ANKRD44: variants seen among roughly 807,000 people sequenced by gnomAD.
ANKRD44 encodes serine/threonine-protein phosphatase 6 regulatory ankyrin repeat subunit B.
Under a neutral mutation model 116.0 loss-of-function variants are expected in ANKRD44, and 35 were observed. The observed-to-expected ratio is 0.30, with a 90% confidence interval of 0.23 to 0.40. The LOEUF (loss-of-function observed/expected upper bound fraction) is 0.40. Among genes scored for constraint, ANKRD44 ranks in the 10% least tolerant of loss-of-function variants. ANKRD44 has a pLI of 1.00. For missense variants in ANKRD44, 1,014 were observed against 1,242.6 expected, an observed-to-expected ratio of 0.82 and a Z score of 2.77; for synonymous variants, 435 against 461.8, an observed-to-expected ratio of 0.94 and a Z score of 0.74.
chr2:196,990,263 T>TA (rs1184171216), intron 27 of ANKRD44: 3 of 987,808 alleles, frequency 3.0e-6, no homozygotes, highest in Non-Finnish European at 3.6e-6. Flanking sequence ...AGGCATTTCC[T>TA]ATCTGCCTCT....
intron 1 of ANKRD44, among the ~76,000 whole-genome samples, chr2:197,260,417 A>C (rs1172565248): frequency 2.0e-5 from 3 of 152,188 alleles, no homozygotes; most frequent in African/African-American, 4.8e-5. Flanking sequence ...ATGAATCATC[A>C]TTTTTTATGG....
intron 16 of ANKRD44, among the ~76,000 whole-genome samples, chr2:197,027,298 G>A (rs1403366590): frequency 6.6e-6 from 1 of 152,148 alleles, no homozygotes; most frequent in African/African-American, 2.4e-5. Context: ...GGAGGTGGAG[G>A]TGGCCGTGAG....
At chr2:197,197,697 C>T (rs1015151581) in intron 1 of ANKRD44, among the ~76,000 whole-genome samples, 39 of 151,190 alleles carry the variant, frequency 2.6e-4, no homozygotes, top group Admixed American at 2.0e-3. Context: ...GTAGTCCCAG[C>T]GACTCGGGAG....
intron 1 of ANKRD44, among the ~76,000 whole-genome samples, chr2:197,265,254 G>T (rs2105750471): frequency 6.7e-6 from 1 of 149,818 alleles, no homozygotes; most frequent in African/African-American, 2.5e-5. Context: ...TTTTGGTGGG[G>T]AGGGGGTGGG....
intron 1 of ANKRD44, among the ~76,000 whole-genome samples, chr2:197,213,726 G>A (rs138844623): frequency 8.5e-5 from 13 of 152,288 alleles, no homozygotes; most frequent in South Asian, 2.1e-4. Flanking sequence ...CAATCTGGCC[G>A]ATTTATATAG....
At chr2:197,126,259 C>T (rs1039043103) in intron 4 of ANKRD44, among the ~76,000 whole-genome samples, 2 of 152,210 alleles carry the variant, frequency 1.3e-5, no homozygotes, top group East Asian at 1.9e-4. Flanking sequence ...AGCCCCGGCA[C>T]ATCTCTAAAA....
intron 1 of ANKRD44, among the ~76,000 whole-genome samples, chr2:197,282,033 C>A (rs924768718): frequency 1.3e-5 from 2 of 152,110 alleles, no homozygotes; most frequent in Non-Finnish European, 2.9e-5. Context: ...GCGGGCAGAT[C>A]ACGAGGTCAG....
intron 21 of ANKRD44, among the ~76,000 whole-genome samples, chr2:196,979,804 T>G (rs964811905): frequency 1.3e-5 from 2 of 151,930 alleles, no homozygotes; most frequent in African/African-American, 4.8e-5. Context: ...TCAGGTGATC[T>G]GCCCACCTAG....
chr2:196,976,661 GT>G (rs2075762570), intron 21 of ANKRD44, among the ~76,000 whole-genome samples: 1 of 152,068 alleles, frequency 6.6e-6, no homozygotes, highest in African/African-American at 2.4e-5. Flanking sequence ...GAGCCCAGGA[GT>G]TAAGATCAGC....
intron 2 of ANKRD44, among the ~76,000 whole-genome samples, chr2:197,161,284 C>CCTACA (rs2079958108): frequency 6.6e-6 from 1 of 152,078 alleles, no homozygotes; most frequent in South Asian, 2.1e-4. Flanking sequence ...GTCAAATAAA[C>CCTACA]CTACACATAC....
intron 6 of ANKRD44, 38 bp downstream of exon 6, chr2:197,125,343 G>C: frequency 6.4e-7 from 1 of 1,567,824 alleles, no homozygotes; most frequent in Non-Finnish European, 8.8e-7. Flanking sequence ...TTTAGTTAAG[G>C]TTATCTGTAC....
chr2:197,105,101 TTTG>T (rs2078393908), intron 9 of ANKRD44, among the ~76,000 whole-genome samples: 2 of 151,698 alleles, frequency 1.3e-5, no homozygotes, highest in South Asian at 4.2e-4. Flanking sequence ...GTGGGGTTCT[TTTG>T]TTGTTGTTAT....
intron 13 of ANKRD44, 49 bp from the exon 14 acceptor site, chr2:197,083,558 C>T (rs779294996): frequency 6.3e-7 from 1 of 1,577,006 alleles, no homozygotes; most frequent in Admixed American, 1.8e-5. Flanking sequence ...AGAAAACAGG[C>T]CTGTTGTTGG....
intron 27 of ANKRD44, among the ~76,000 whole-genome samples, chr2:196,992,346 C>T (rs10931768): frequency 0.47 from 72,015 of 152,006 alleles, 19,196 homozygotes; most frequent in East Asian, 0.79. Context: ...TTCCATTTCA[C>T]GAAAGTCAGT....
chr2:197,252,068 T>C (rs2082329575), intron 1 of ANKRD44, among the ~76,000 whole-genome samples: 1 of 152,202 alleles, frequency 6.6e-6, no homozygotes, highest in African/African-American at 2.4e-5. Context: ...GTCTTTATCC[T>C]AAAATTGCTA....
chr2:196,973,983 CA>C (rs2075738575), intron 21 of ANKRD44, among the ~76,000 whole-genome samples: 1 of 151,928 alleles, frequency 6.6e-6, no homozygotes, highest in Non-Finnish European at 1.5e-5. Flanking sequence ...TGAAATCATA[CA>C]AAGTATATTC....
At chr2:197,310,264 C>T (rs1011939008) in intron 1 of ANKRD44, among the ~76,000 whole-genome samples, 1 of 150,582 alleles carries the variant, frequency 6.6e-6, no homozygotes, top group Non-Finnish European at 1.5e-5. Context: ...GTCCCGAGAG[C>T]ACCTCGAGCC....
chr2:197,247,194 G>T (rs2082211435), intron 1 of ANKRD44, among the ~76,000 whole-genome samples: 3 of 152,296 alleles, frequency 2.0e-5, no homozygotes, highest in Middle Eastern at 6.8e-3. Flanking sequence ...TGCTCAGGAA[G>T]TCTCATCTCT....
chr2:197,300,985 T>A (rs937359407), intron 1 of ANKRD44: 1 of 152,038 alleles, frequency 6.6e-6, no homozygotes, highest in Non-Finnish European at 1.5e-5. Context: ...TCTCTGGCCA[T>A]CTCTCTGGCC....
Sources: gnomAD v4.1 joint callset for allele counts (sites outside exome capture counted in the v4.1 genomes callset) on GRCh38, gnomAD v4.1.1 for gene constraint, MANE v1.5 for transcripts, NCBI Gene and HGNC (gene_info 2026-07-23, HGNC 2026-07-21) for gene names.